The following OSBPL10 variants were observed in gnomAD, a reference collection of about 807,000 sequenced individuals.
OSBPL10 encodes the protein oxysterol binding protein like 10.
In OSBPL10, 49 loss-of-function variants were observed where a neutral mutation model predicts 81.7. The ratio of observed to expected loss-of-function variants is 0.60; its 90% CI spans 0.48 to 0.76. OSBPL10 has a LOEUF of 0.76. Ranked by LOEUF, OSBPL10 falls within the 30% of genes least tolerant of loss-of-function variation. OSBPL10 has a pLI of 0.00. For missense variants in OSBPL10, 923 were observed against 987.8 expected, an observed-to-expected ratio of 0.93 and a Z score of 0.88; for synonymous variants, 419 against 383.6, an observed-to-expected ratio of 1.09 and a Z score of -1.08.
intron 1 of OSBPL10, among the ~76,000 whole-genome samples, chr3:32,073,185 G>A (rs1177922628): frequency 2.6e-5 from 4 of 152,016 alleles, no homozygotes; most frequent in East Asian, 1.9e-4. Flanking sequence ...TTTCTTACTC[G>A]GCCCAAACCT....
chr3:31,694,956 G>T (rs1418789629), intron 7 of OSBPL10, among the ~76,000 whole-genome samples: 1 of 152,174 alleles, frequency 6.6e-6, no homozygotes, highest in Non-Finnish European at 1.5e-5. Context: ...GTTTTTCCAT[G>T]TTGGTCAGGC....
intron 8 of OSBPL10, 74 bp downstream of exon 8, chr3:31,683,560 A>G: frequency 6.5e-7 from 1 of 1,528,590 alleles, no homozygotes; most frequent in South Asian, 1.3e-5. Flanking sequence ...TCCACACACA[A>G]AATTATCAAT....
At chr3:31,663,927 C>G (rs539409524) in intron 11 of OSBPL10, 152 bp downstream of exon 11, 1 of 1,557,968 alleles carries the variant, frequency 6.4e-7, no homozygotes, top group Admixed American at 1.9e-5. Flanking sequence ...GAAGCCTTGT[C>G]CAAAGCTGGA....
intron 2 of OSBPL10, among the ~76,000 whole-genome samples, chr3:32,005,612 G>A (rs1047419440): frequency 1.1e-4 from 16 of 152,082 alleles, no homozygotes; most frequent in African/African-American, 3.6e-4. Flanking sequence ...TCTCTGAGAT[G>A]GAGTTTCACT....
At chr3:32,032,345 G>A (rs1699477760) in intron 2 of OSBPL10, among the ~76,000 whole-genome samples, 1 of 152,026 alleles carries the variant, frequency 6.6e-6, no homozygotes, top group Non-Finnish European at 1.5e-5. Flanking sequence ...AACCCGGGAG[G>A]CAGAGGTTGC....
chr3:31,945,682 C>CG (rs1310603514), intron 1 of OSBPL10, among the ~76,000 whole-genome samples: 2 of 152,182 alleles, frequency 1.3e-5, no homozygotes, highest in South Asian at 4.1e-4. Context: ...CATGCTCCCA[C>CG]CTTCTCCAGA....
chr3:31,732,116 A>G (rs576677134), intron 6 of OSBPL10, among the ~76,000 whole-genome samples: 5 of 152,332 alleles, frequency 3.3e-5, no homozygotes, highest in Admixed American at 6.5e-5. Flanking sequence ...ACGGTTGCCA[A>G]CTTACCTTCT....
At chr3:32,043,684 G>A (rs988210077) in intron 2 of OSBPL10, among the ~76,000 whole-genome samples, 13 of 152,140 alleles carry the variant, frequency 8.5e-5, no homozygotes, top group African/African-American at 3.1e-4. Flanking sequence ...GTAGCAGGGA[G>A]CCCTACACAT....
intron 4 of OSBPL10, among the ~76,000 whole-genome samples, chr3:31,782,785 T>C (rs1698730351): frequency 6.6e-6 from 1 of 151,980 alleles, no homozygotes; most frequent in African/African-American, 2.4e-5. Context: ...AATCAAAAAA[T>C]AACAGATGTT....
At chr3:31,916,482 T>G (rs899041431) in intron 1 of OSBPL10, among the ~76,000 whole-genome samples, 1 of 152,204 alleles carries the variant, frequency 6.6e-6, no homozygotes, top group Non-Finnish European at 1.5e-5. Flanking sequence ...TTTGTTCTCA[T>G]GAGCAGTCAG....
At chr3:31,820,681 G>T (rs1484048356) in intron 4 of OSBPL10, among the ~76,000 whole-genome samples, 2 of 152,120 alleles carry the variant, frequency 1.3e-5, no homozygotes, top group African/African-American at 2.4e-5. Context: ...AGGAAAAGAA[G>T]TACCTAAGTG....
chr3:32,044,964 A>ATGCTCTACT (rs1699609293), intron 2 of OSBPL10, among the ~76,000 whole-genome samples: 1 of 152,232 alleles, frequency 6.6e-6, no homozygotes, highest in African/African-American at 2.4e-5. Flanking sequence ...CTCAAAATGA[A>ATGCTCTACT]TGCTCTACTT....
rs898225564 is a variant in OSBPL10 at position 31,872,077 on chromosome 3, T to C, written c.537+4356A>G. Among the ~76,000 whole-genome samples, 3 of 152,236 alleles carry C rather than the reference T, an allele frequency of 2.0e-5. 1 individual carries two copies. Among genetic ancestry groups the C allele is most frequent in the African/African-American group, 2.4e-5 (1 of 41,464 alleles). ...GTTGTTTGTGTTTTCAGGGGAAGTC[T>C]GTGTTCTATTCTTCCTGGCAGACCA... On this transcript the variant is annotated intron_variant, in intron 3 of 11. Transcript: ENST00000396556.
At chr3:31,667,343 G>A (rs868149922) in intron 10 of OSBPL10, among the ~76,000 whole-genome samples, 1 of 152,206 alleles carries the variant, frequency 6.6e-6, no homozygotes, top group Non-Finnish European at 1.5e-5. Flanking sequence ...ACAGAGAAAG[G>A]TTATGCTCAC....
chr3:31,945,660 C>G (rs942513261), intron 1 of OSBPL10, among the ~76,000 whole-genome samples: 4 of 152,184 alleles, frequency 2.6e-5, no homozygotes, highest in African/African-American at 9.6e-5. Context: ...ATGTGATGCA[C>G]TCTCAGGTCT....
chr3:31,830,471 A>G (rs1382238046), intron 3 of OSBPL10, among the ~76,000 whole-genome samples: 1 of 152,086 alleles, frequency 6.6e-6, no homozygotes, highest in Non-Finnish European at 1.5e-5. Flanking sequence ...CGCTATGGCC[A>G]TGAACAGCTA....
At chr3:31,739,128 T>C (rs2125679046) in intron 5 of OSBPL10, among the ~76,000 whole-genome samples, 1 of 152,250 alleles carries the variant, frequency 6.6e-6, no homozygotes, top group East Asian at 1.9e-4. Context: ...ACAGGTGTGA[T>C]CACTGCATAC....
intron 2 of OSBPL10, chr3:31,989,329 G>A (rs746989581): frequency 6.8e-6 from 11 of 1,614,120 alleles, no homozygotes; most frequent in African/African-American, 5.3e-5. Context: ...CAATACAGAA[G>A]TGGACACAGG....
chr3:31,700,746 TG>T (rs567859171), intron 7 of OSBPL10, among the ~76,000 whole-genome samples: 2 of 152,342 alleles, frequency 1.3e-5, no homozygotes, highest in East Asian at 3.9e-4. Flanking sequence ...AAGCTCTGTC[TG>T]GGTGTCTACA....
Sources: gnomAD v4.1 joint callset for allele counts (sites outside exome capture counted in the v4.1 genomes callset) on GRCh38, gnomAD v4.1.1 for gene constraint, MANE v1.5 for transcripts, NCBI Gene and HGNC (gene_info 2026-07-23, HGNC 2026-07-21) for gene names.